Variants in GPC3 observed in about 807,000 individuals in gnomAD.
The protein encoded by GPC3 is glypican 3, also known as glypican-3.
GPC3 carries 3 observed loss-of-function variants against 34.4 expected under a neutral mutation model. That is an observed-to-expected ratio of 0.09 (90% CI 0.04 to 0.23). The LOEUF (loss-of-function observed/expected upper bound fraction) is 0.23, where lower values mean the gene tolerates loss of function less well. GPC3 is among the 10% of genes least tolerant of loss of function. The pLI is 1.00. For synonymous variants in GPC3, 177 were observed against 174.0 expected (o/e 1.02, Z -0.13); for missense variants, 351 against 445.6 (o/e 0.79, Z 1.91).
At chrX:133,952,399 C>CCAT (rs1035293269) in intron 2 of GPC3, among the ~76,000 whole-genome samples, 3 of 112,023 alleles carry the variant, frequency 2.7e-5, no homozygotes, top group Non-Finnish European at 5.6e-5. Flanking sequence ...ACCACCACCT[C>CCAT]CATCATCATC....
chrX:133,611,869 T>A (rs186972944), intron 6 of GPC3, among the ~76,000 whole-genome samples: 194 of 111,939 alleles, frequency 1.7e-3, no homozygotes, highest in Middle Eastern at 4.6e-3. Flanking sequence ...TACAGTGCAA[T>A]CATCACTGAA....
intron 2 of GPC3, among the ~76,000 whole-genome samples, chrX:133,803,493 A>G (rs1287648547): frequency 8.9e-6 from 1 of 111,930 alleles, no homozygotes. Flanking sequence ...TGCTCTCTGC[A>G]TTCTTCAGTT....
chrX:133,820,468 C>T (rs900159484), intron 2 of GPC3, among the ~76,000 whole-genome samples: 1 of 111,574 alleles, frequency 9.0e-6, no homozygotes, highest in Non-Finnish European at 1.9e-5. Context: ...AAATGTCATG[C>T]TGGGACTTTG....
chrX:133,807,605 C>G (rs1228797811), intron 2 of GPC3, among the ~76,000 whole-genome samples: 4 of 111,530 alleles, frequency 3.6e-5, no homozygotes, highest in African/African-American at 1.3e-4. Flanking sequence ...GTACAGGTAA[C>G]TCTTTCTAGA....
At chrX:133,619,577 T>TA (rs943025725) in intron 6 of GPC3, among the ~76,000 whole-genome samples, 7 of 111,208 alleles carry the variant, frequency 6.3e-5, no homozygotes, top group African/African-American at 2.3e-4. Flanking sequence ...AAGCCAGACA[T>TA]AAAAAAAACT....
chrX:133,881,788 T>C (rs1256129123), intron 2 of GPC3, among the ~76,000 whole-genome samples: 1 of 112,171 alleles, frequency 8.9e-6, no homozygotes, highest in Non-Finnish European at 1.9e-5. Context: ...ATCACTGAGC[T>C]CCAACAAACC....
chrX:133,624,463 A>T (rs915662859), intron 6 of GPC3, among the ~76,000 whole-genome samples: 4 of 111,852 alleles, frequency 3.6e-5, no homozygotes, highest in Non-Finnish European at 5.6e-5. Context: ...CACAATAAAG[A>T]ATGATAAAGG....
At chrX:133,610,277 G>A (rs1470689693) in intron 6 of GPC3, among the ~76,000 whole-genome samples, 1 of 111,192 alleles carries the variant, frequency 9.0e-6, no homozygotes, top group African/African-American at 3.3e-5. Flanking sequence ...GTGTTTGGCT[G>A]GGTTTCTTAC....
chrX:133,951,773 T>C (rs1282478584), intron 2 of GPC3, among the ~76,000 whole-genome samples: 2 of 112,108 alleles, frequency 1.8e-5, no homozygotes, highest in Non-Finnish European at 1.9e-5. Flanking sequence ...ATCAACCTAA[T>C]ACCCCCTGAG....
At chrX:133,929,604 C>T (rs1432990776) in intron 2 of GPC3, among the ~76,000 whole-genome samples, 1 of 111,304 alleles carries the variant, frequency 9.0e-6, no homozygotes, top group South Asian at 3.8e-4. Flanking sequence ...TAGGGTAGTA[C>T]ATTGCCCTAA....
At chrX:133,951,361 T>C (rs770315694) in intron 2 of GPC3, among the ~76,000 whole-genome samples, 26 of 110,628 alleles carry the variant, frequency 2.4e-4, no homozygotes, top group Admixed American at 7.8e-4. Flanking sequence ...CATAGCCATG[T>C]CAGCTACTGT....
At chrX:133,860,273 T>C (rs1387496709) in intron 2 of GPC3, among the ~76,000 whole-genome samples, 2 of 111,598 alleles carry the variant, frequency 1.8e-5, no homozygotes, top group Admixed American at 9.5e-5. Flanking sequence ...CCATTATTAG[T>C]ACCGTTTTTT....
At chrX:133,906,493 T>G (rs1004530685) in intron 2 of GPC3, among the ~76,000 whole-genome samples, 1 of 112,514 alleles carries the variant, frequency 8.9e-6, no homozygotes, top group Non-Finnish European at 1.9e-5. Flanking sequence ...AGATGCATTT[T>G]CACAGTCAAC....
chrX:133,718,408 C>T (rs978754357), intron 3 of GPC3, among the ~76,000 whole-genome samples: 2 of 109,867 alleles, frequency 1.8e-5, no homozygotes, highest in African/African-American at 6.6e-5. Flanking sequence ...CCAGGGCAAC[C>T]CCTAAGAAAA....
chrX:133,747,605 G>C (rs1270979969), intron 3 of GPC3, among the ~76,000 whole-genome samples: 2 of 111,719 alleles, frequency 1.8e-5, no homozygotes, highest in African/African-American at 6.5e-5. Context: ...GCAATATAGA[G>C]TAATGGTTAA....
chrX:133,850,932 T>C (rs2075870860), intron 2 of GPC3, among the ~76,000 whole-genome samples: 1 of 86,768 alleles, frequency 1.2e-5, no homozygotes, highest in South Asian at 4.8e-4. Context: ...CCATCTCTAC[T>C]AAAAATACAA....
At chrX:133,973,308 T>A (rs2267529) in intron 1 of GPC3, among the ~76,000 whole-genome samples, 5,219 of 112,791 alleles carry the variant, frequency 0.046, 116 homozygotes, top group East Asian at 0.1. Flanking sequence ...AACCTTTGGG[T>A]AAGTAAACCT....
At position 133,830,678 on chromosome X, in the gene GPC3, C is replaced by CAA. The variant is rs1174232524; in HGVS notation, c.338-76504_338-76503dup. ...GGGCAACAAAAGCGAGACTCCATCTCAAAAAAAAAAAAAAAAAAAAAAAAA... is the reference window on the plus strand; with the variant it reads ...GGGCAACAAAAGCGAGACTCCATCTCAAAAAAAAAAAAAAAAAAAAAAAAAAA... On this transcript the variant is annotated intron_variant, in intron 2 of 7. Coordinates refer to ENST00000370818, the MANE Select transcript of GPC3 (RefSeq NM_004484.4). Among the ~76,000 whole-genome samples, 81 of 13,414 alleles carry CAA rather than the reference C, an allele frequency of 6.0e-3. 9 individuals are homozygous for CAA. Among genetic ancestry groups the CAA allele is most frequent in the African/African-American group, 9.7e-3 (73 of 7,564 alleles). The allele number at this position is 13,414 out of a possible 115,157, so 11.6% of individuals were successfully genotyped here.
At chrX:133,598,808 G>A (rs2069949656) in intron 6 of GPC3, among the ~76,000 whole-genome samples, 1 of 111,647 alleles carries the variant, frequency 9.0e-6, no homozygotes, top group South Asian at 3.8e-4. Context: ...TGGGTCATCT[G>A]GAAAATACTG....
Sources: allele counts gnomAD v4.1 joint callset (sites outside exome capture counted in the v4.1 genomes callset), GRCh38; gene constraint gnomAD v4.1.1; transcripts MANE v1.5; gene names NCBI Gene and HGNC (gene_info 2026-07-23, HGNC 2026-07-21).